The following IL17RA variants were observed in gnomAD, a reference collection of about 807,000 sequenced individuals.
IL17RA encodes the protein interleukin 17 receptor A, also known as interleukin-17 receptor A.
IL17RA carries 34 observed loss-of-function variants against 50.4 expected under a neutral mutation model. That is an observed-to-expected ratio of 0.67 (90% CI 0.51 to 0.90). The LOEUF (loss-of-function observed/expected upper bound fraction) is 0.90, where lower values mean the gene tolerates loss of function less well. IL17RA is among the 40% of genes least tolerant of loss of function. The pLI, the probability that IL17RA is intolerant of heterozygous loss-of-function variation, is 0.00. For synonymous variants in IL17RA, 585 were observed against 510.4 expected (o/e 1.15, Z -1.97); for missense variants, 1,276 against 1,169.8 (o/e 1.09, Z -1.32).
At chr22:17,101,536 G>A (rs1051785823) in intron 5 of IL17RA, among the ~76,000 whole-genome samples, 14 of 152,318 alleles carry the variant, frequency 9.2e-5, no homozygotes, top group African/African-American at 2.6e-4. Flanking sequence ...CCAAGAACAG[G>A]GCCTGGTGCA....
rs752262747 is a variant in IL17RA at position 17,100,443 on chromosome 22, G to GGGTT, written c.514_515insTTGG (p.Asp172ValfsTer14). On this transcript the variant is annotated frameshift_variant, in exon 5 of 13. Coordinates refer to ENST00000319363, the MANE Select transcript of IL17RA (RefSeq NM_014339.7). LOFTEE classifies it high-confidence loss of function. ...CACCTGCCCAAGCCCATCCCTGATG[G>GGGTT]GGACCCAAACCACCAGTCCAAGAAT... 1 of 1,614,144 alleles carries GGGTT rather than the reference G, an allele frequency of 6.2e-7. No homozygotes were observed. Among genetic ancestry groups the GGGTT allele is most frequent in the Non-Finnish European group, 8.5e-7 (1 of 1,180,020 alleles).
chr22:17,090,586 A>G (rs2061344704), intron 1 of IL17RA, among the ~76,000 whole-genome samples: 2 of 152,128 alleles, frequency 1.3e-5, no homozygotes, highest in South Asian at 4.1e-4. Flanking sequence ...TCTGAGATAT[A>G]CCTCCATATT....
In IL17RA at chr22:17,107,719, C is replaced by CGAAA. The variant is rs754231369; in HGVS notation, c.1046-8_1046-7insGAAA. Reference sequence around the variant, plus strand: ...GAACCACTCCAGTGTATTTCTTTTCCTTTCCAGGGCCTGGAAGTGAAAAAT... The same window carrying CGAAA: ...GAACCACTCCAGTGTATTTCTTTTCCGAAATTTCCAGGGCCTGGAAGTGAAAAAT... On this transcript the variant is annotated splice_region_variant and splice_polypyrimidine_tract_variant and intron_variant, in intron 11 of 12. Transcript: ENST00000319363. 2 of 1,611,922 alleles carry CGAAA rather than the reference C, an allele frequency of 1.2e-6. No homozygotes were observed. Among genetic ancestry groups the CGAAA allele is most frequent in the Admixed American group, 3.3e-5 (2 of 60,034 alleles).
intron 1 of IL17RA, among the ~76,000 whole-genome samples, chr22:17,087,583 G>A (rs572832562): frequency 2.0e-5 from 3 of 152,360 alleles, no homozygotes; most frequent in Non-Finnish European, 4.4e-5. Flanking sequence ...CTGCTTGGAA[G>A]GTAGTGGCAA....
At chr22:17,106,958 G>T (rs1025897417) in intron 11 of IL17RA, among the ~76,000 whole-genome samples, 1 of 152,122 alleles carries the variant, frequency 6.6e-6, no homozygotes, top group Non-Finnish European at 1.5e-5. Context: ...GCTGTTATTT[G>T]GCTGTCTTGT....
At position 17,108,684 on chromosome 22, in the gene IL17RA, G is replaced by A; in HGVS notation, c.1465G>A (p.Asp489Asn). The part of the protein sequence containing the change: ...FTAAMNMILP[D>N]FKRPACFGTY... ...TGCAGCCATGAACATGATCCTCCCG[G>A]ACTTCAAGAGGCCAGCCTGCTTCGG... is the stretch of plus-strand genomic sequence containing the variant. The change falls in exon 13 of 13, where the codon GAC (aspartate) becomes AAC (asparagine). Residue 489 changes from aspartate to asparagine, a missense_variant. Coordinates refer to ENST00000319363, the MANE Select transcript of IL17RA (RefSeq NM_014339.7). 3 of 1,608,820 alleles carry A rather than the reference G, an allele frequency of 1.9e-6. No individual in the cohort carries two copies. The highest frequency in any genetic ancestry group is 2.5e-6 in the Non-Finnish European group (3 of 1,179,858).
chr22:17,092,217 G>A (rs1354937060), intron 1 of IL17RA, among the ~76,000 whole-genome samples: 2 of 152,192 alleles, frequency 1.3e-5, no homozygotes, highest in Non-Finnish European at 2.9e-5. Context: ...GGTTCCTGGA[G>A]GGTGGCACAC....
At chr22:17,085,645 C>T (rs1180429696) in intron 1 of IL17RA, among the ~76,000 whole-genome samples, 1 of 152,146 alleles carries the variant, frequency 6.6e-6, no homozygotes. Flanking sequence ...CTGGACCCAG[C>T]TCCACGCCTT....
At chr22:17,100,322 T>C in intron 4 of IL17RA, 33 bp from the exon 5 acceptor site, 1 of 1,613,918 alleles carries the variant, frequency 6.2e-7, no homozygotes. Context: ...GTGTGTGTAA[T>C]CCATCCACCT....
chr22:17,092,373 A>T (rs1260344209), intron 1 of IL17RA, among the ~76,000 whole-genome samples: 1 of 152,156 alleles, frequency 6.6e-6, no homozygotes, highest in Non-Finnish European at 1.5e-5. Context: ...ACTGAAAGAG[A>T]GGAGCATGAG....
chr22:17,108,822 C>T lies in IL17RA; in HGVS notation c.1603C>T (p.Arg535Cys). The change falls in exon 13 of 13, where the codon CGC becomes TGC. Residue 535 changes from arginine to cysteine, a missense_variant. By Grantham distance (180) the Arg-to-Cys change is radical (BLOSUM62 -3). Transcript: ENST00000319363. The stretch of plus-strand genomic sequence containing the variant: ...GGACAGGTTCGAGGAGGTGTACTTC[C>T]GCATCCAGGACCTGGAGATGTTCCA... ...LMDRFEEVYF[R>C]IQDLEMFQPG... 6 of 1,607,070 alleles carry T rather than the reference C, an allele frequency of 3.7e-6. No homozygotes were observed. The highest frequency in any genetic ancestry group is 5.1e-6 in the Non-Finnish European group (6 of 1,176,942).
intron 4 of IL17RA, among the ~76,000 whole-genome samples, chr22:17,100,098 T>G (rs1343739703): frequency 1.3e-5 from 2 of 149,410 alleles, no homozygotes; most frequent in African/African-American, 4.9e-5. Context: ...CCCCAAATTC[T>G]TTTGCCTTAT....
At chr22:17,099,895 T>G (rs2061383590) in intron 4 of IL17RA, among the ~76,000 whole-genome samples, 1 of 152,192 alleles carries the variant, frequency 6.6e-6, no homozygotes. Flanking sequence ...CCTTTGCACC[T>G]TTTTACTCCA....
chr22:17,108,775 C>G lies in IL17RA; in HGVS notation c.1556C>G (p.Ala519Gly). Reference sequence around the variant, plus strand: ...GGCGACGTCCCCGACCTGTTCGGCGCGGCGCCGCGGTACCCGCTCATGGAC... The same window carrying G: ...GGCGACGTCCCCGACCTGTTCGGCGGGGCGCCGCGGTACCCGCTCATGGAC... ...CDGDVPDLFG[A>G]APRYPLMDRF... The change falls in exon 13 of 13, where the codon GCG becomes GGG. Residue 519 changes from alanine to glycine, a missense_variant. Ala to Gly is a moderately conservative substitution (Grantham distance 60, BLOSUM62 0). Coordinates refer to ENST00000319363, the MANE Select transcript of IL17RA (RefSeq NM_014339.7). The G allele has an allele frequency of 1.2e-6, 2 of 1,607,896 alleles. No individual in the cohort carries two copies. Among genetic ancestry groups the G allele is most frequent in the Non-Finnish European group, 1.7e-6 (2 of 1,177,436 alleles).
intron 8 of IL17RA, among the ~76,000 whole-genome samples, 197 bp from the exon 9 acceptor site, chr22:17,104,529 G>A (rs2061405755): frequency 6.6e-6 from 1 of 152,222 alleles, no homozygotes; most frequent in South Asian, 2.1e-4. Context: ...CACTGCCCCT[G>A]CCTTTCTCCT....
chr22:17,100,326 T>C, intron 4 of IL17RA, 29 bp from the exon 5 acceptor site: 1 of 1,613,636 alleles, frequency 6.2e-7, no homozygotes. Context: ...GTGTAATCCA[T>C]CCACCTTCCC....
At chr22:17,088,371 T>A (rs558388186) in intron 1 of IL17RA, among the ~76,000 whole-genome samples, 1 of 152,258 alleles carries the variant, frequency 6.6e-6, no homozygotes, top group East Asian at 1.9e-4. Context: ...CAGGCTGGAG[T>A]GCAGTGGTGC....
At position 17,109,082 on chromosome 22, in the gene IL17RA, G is replaced by A. The variant is rs777056959; in HGVS notation, c.1863G>A (p.Ala621=). The change falls in exon 13 of 13, where the codon GCG becomes GCA. Residue 621 remains alanine (A), a synonymous_variant. Transcript: ENST00000319363. ...CGGGAACCGGCATCGTGAAGCGGGCGCCCCTGGTGCGCGAGCCTGGCTCCC... is the reference window on the plus strand; with the variant it reads ...CGGGAACCGGCATCGTGAAGCGGGCACCCCTGGTGCGCGAGCCTGGCTCCC... ...LPPGTGIVKR[A]PLVREPGSQA... 8 of 1,572,918 alleles carry A rather than the reference G, an allele frequency of 5.1e-6. No homozygotes were observed. In the South Asian group the frequency reaches 6.8e-5, roughly 13 times the overall value.
At chr22:17,097,182 G>A (rs2061371425) in intron 2 of IL17RA, 96 bp downstream of exon 2, 1 of 1,213,376 alleles carries the variant, frequency 8.2e-7, no homozygotes, top group African/African-American at 1.5e-5. Context: ...TGCCACTCCA[G>A]GTTCAGGCTG....
Sources: gnomAD v4.1 joint callset for allele counts (sites outside exome capture counted in the v4.1 genomes callset) on GRCh38, gnomAD v4.1.1 for gene constraint, MANE v1.5 for transcripts, NCBI Gene and HGNC (gene_info 2026-07-23, HGNC 2026-07-21) for gene names.